Variants in CECR2 observed in about 807,000 individuals in gnomAD.
CECR2 encodes the protein CECR2 histone acetyl-lysine reader, also known as chromatin remodeling regulator CECR2.
Under a neutral mutation model 154.5 loss-of-function variants are expected in CECR2, and 30 were observed. That is an observed-to-expected ratio of 0.19 (90% CI 0.15 to 0.26). The LOEUF (loss-of-function observed/expected upper bound fraction) is 0.26. CECR2 is among the 10% of genes least tolerant of loss of function. CECR2 has a pLI of 1.00. For synonymous variants in CECR2, 725 were observed against 683.7 expected, an observed-to-expected ratio of 1.06 and a Z score of -0.94; for missense variants, 1,743 against 1,829.3, an observed-to-expected ratio of 0.95 and a Z score of 0.86.
At chr22:17,400,896 G>A (rs1042026440) in intron 1 of CECR2, among the ~76,000 whole-genome samples, 2 of 152,036 alleles carry the variant, frequency 1.3e-5, no homozygotes, top group African/African-American at 4.8e-5. Context: ...GACTACAGGC[G>A]CATGCCACCG....
chr22:17,363,011 G>C (rs899100574), intron 1 of CECR2, among the ~76,000 whole-genome samples: 2 of 148,472 alleles, frequency 1.3e-5, no homozygotes, highest in East Asian at 3.9e-4. Context: ...CCTGTGTCAC[G>C]TCCTTTGCAT....
chr22:17,544,387 A>G (rs987618483), intron 16 of CECR2, among the ~76,000 whole-genome samples: 5 of 149,990 alleles, frequency 3.3e-5, no homozygotes, highest in African/African-American at 9.9e-5. Flanking sequence ...AGTCCCAGCT[A>G]CTCCGGAGGC....
intron 16 of CECR2, among the ~76,000 whole-genome samples, chr22:17,547,449 C>G (rs905941620): frequency 2.2e-4 from 33 of 152,116 alleles, no homozygotes; most frequent in Non-Finnish European, 4.0e-4. Flanking sequence ...CCAGGATGGT[C>G]TCAATCTCCT....
chr22:17,469,984 A>T (rs961163441), intron 1 of CECR2, among the ~76,000 whole-genome samples: 1 of 152,206 alleles, frequency 6.6e-6, no homozygotes, highest in Admixed American at 6.5e-5. Flanking sequence ...TCCCCAGCAC[A>T]TAACAGAGCC....
At chr22:17,431,906 C>T (rs1387579884) in intron 1 of CECR2, among the ~76,000 whole-genome samples, 1 of 152,144 alleles carries the variant, frequency 6.6e-6, no homozygotes, top group East Asian at 1.9e-4. Flanking sequence ...AGAACATTTT[C>T]AACACCCCAA....
At chr22:17,396,069 G>T (rs62241131) in intron 1 of CECR2, among the ~76,000 whole-genome samples, 1 of 150,112 alleles carries the variant, frequency 6.7e-6, no homozygotes, top group African/African-American at 2.5e-5. Context: ...TCGAGACCTC[G>T]TCTCTACGAA....
intron 1 of CECR2, among the ~76,000 whole-genome samples, chr22:17,378,011 G>T (rs527247285): frequency 1.0e-3 from 153 of 152,146 alleles, no homozygotes; most frequent in Non-Finnish European, 1.6e-3. Context: ...TGAGACGGAG[G>T]CTTGCTCTGT....
At chr22:17,537,840 T>A (rs548195828) in intron 10 of CECR2, among the ~76,000 whole-genome samples, 26 of 151,834 alleles carry the variant, frequency 1.7e-4, no homozygotes, top group Non-Finnish European at 2.2e-4. Context: ...ATAAAAATTT[T>A]AAAAAAAATT....
intron 1 of CECR2, among the ~76,000 whole-genome samples, chr22:17,474,446 G>C (rs73876454): frequency 0.022 from 3,281 of 152,178 alleles, 120 homozygotes; most frequent in African/African-American, 0.075. Flanking sequence ...GTCCTTTGAG[G>C]GACCATTTAA....
upstream of CECR2, among the ~76,000 whole-genome samples, chr22:17,367,031 C>G (rs926056190): frequency 6.6e-6 from 1 of 152,180 alleles, no homozygotes; most frequent in African/African-American, 2.4e-5. Context: ...AAGGAAAGGG[C>G]AGCAGAAGGG....
chr22:17,431,403 A>G (rs2054419877), intron 1 of CECR2, among the ~76,000 whole-genome samples: 1 of 152,222 alleles, frequency 6.6e-6, no homozygotes, highest in Non-Finnish European at 1.5e-5. Flanking sequence ...AGTGCCTGAC[A>G]CAGAAGTTAT....
intron 1 of CECR2, among the ~76,000 whole-genome samples, chr22:17,453,212 C>A (rs564862104): frequency 2.6e-5 from 4 of 152,114 alleles, no homozygotes; most frequent in African/African-American, 9.7e-5. Context: ...GAGGCCGAGG[C>A]GGGTGGATCA....
chr22:17,459,993 C>G (rs2054912507), intron 1 of CECR2, among the ~76,000 whole-genome samples: 1 of 152,148 alleles, frequency 6.6e-6, no homozygotes, highest in Non-Finnish European at 1.5e-5. Flanking sequence ...TTATTCTACT[C>G]CATTGATCTA....
At chr22:17,482,793 G>C (rs1242034278) in intron 2 of CECR2, among the ~76,000 whole-genome samples, 2 of 136,522 alleles carry the variant, frequency 1.5e-5, no homozygotes, top group Admixed American at 1.6e-4. Context: ...ACGGTGTCCT[G>C]CCTCAGCCTC....
At chr22:17,377,102 T>G (rs759790240) in intron 1 of CECR2, among the ~76,000 whole-genome samples, 3 of 152,162 alleles carry the variant, frequency 2.0e-5, no homozygotes, top group Non-Finnish European at 2.9e-5. Context: ...TAGAAATGTT[T>G]CTCAGCATGC....
intron 1 of CECR2, among the ~76,000 whole-genome samples, chr22:17,456,956 T>A (rs1026060459): frequency 6.6e-6 from 1 of 152,248 alleles, no homozygotes; most frequent in Non-Finnish European, 1.5e-5. Context: ...AGTACATGTT[T>A]ATGTCTCTAA....
At chr22:17,485,023 G>A (rs935190479) in intron 2 of CECR2, among the ~76,000 whole-genome samples, 8 of 152,018 alleles carry the variant, frequency 5.3e-5, no homozygotes, top group Admixed American at 1.3e-4. Flanking sequence ...CCTTTCAACC[G>A]TACTCTCCAA....
At chr22:17,480,919 A>G (rs2055299714) in intron 2 of CECR2, among the ~76,000 whole-genome samples, 1 of 151,856 alleles carries the variant, frequency 6.6e-6, no homozygotes, top group Non-Finnish European at 1.5e-5. Context: ...GCACGCCTGT[A>G]GTCCCAGCTA....
intron 1 of CECR2, among the ~76,000 whole-genome samples, chr22:17,388,965 A>C (rs997905263): frequency 1.2e-4 from 18 of 151,930 alleles, no homozygotes; most frequent in African/African-American, 3.9e-4. Context: ...GGCACACTCC[A>C]CCATGCCCGG....
Sources: allele counts gnomAD v4.1 joint callset (sites outside exome capture counted in the v4.1 genomes callset), GRCh38; gene constraint gnomAD v4.1.1; transcripts MANE v1.5; gene names NCBI Gene and HGNC (gene_info 2026-07-23, HGNC 2026-07-21).